The following PTPRD variants were observed in gnomAD, a reference collection of about 807,000 sequenced individuals.
The protein encoded by PTPRD is receptor-type tyrosine-protein phosphatase delta.
A neutral mutation model predicts 214.5 loss-of-function variants in PTPRD; 34 were observed. The observed-to-expected ratio is 0.16, with a 90% CI of 0.12 to 0.21. PTPRD has a LOEUF of 0.21. Among genes scored for constraint, PTPRD ranks in the 10% least tolerant of loss-of-function variants. The probability of loss-of-function intolerance (pLI) is 1.00; values close to 1 mark genes in which losing one functional copy is unlikely to be tolerated. For missense variants in PTPRD, 2,545 were observed against 2,398.7 expected, an observed-to-expected ratio of 1.06 and a Z score of -1.27; for synonymous variants, 1,128 against 845.7, an observed-to-expected ratio of 1.33 and a Z score of -5.79.
At chr9:8,898,985 A>T (rs1001120666) in intron 11 of PTPRD, among the ~76,000 whole-genome samples, 1 of 152,208 alleles carries the variant, frequency 6.6e-6, no homozygotes, top group African/African-American at 2.4e-5. Flanking sequence ...GAGTATTTTA[A>T]TAAAAGTGAC....
At chr9:9,600,981 T>C (rs1454515134) in intron 7 of PTPRD, among the ~76,000 whole-genome samples, 1 of 152,066 alleles carries the variant, frequency 6.6e-6, no homozygotes, top group Non-Finnish European at 1.5e-5. Flanking sequence ...TAATGAGACC[T>C]GGATATTTTA....
At chr9:8,706,888 C>T (rs566331496) in intron 12 of PTPRD, among the ~76,000 whole-genome samples, 13 of 152,286 alleles carry the variant, frequency 8.5e-5, no homozygotes, top group Non-Finnish European at 1.5e-4. Context: ...TTAGCATTAT[C>T]CTCCCGTGCC....
rs370277505 is a variant in PTPRD, at chr9:9,840,790, A to G, written c.-367-73939T>C. ...AAAAAAAAAAAAAAAAAAAAAAAAAAAAAAAAAAACAGAAAGGGGAAGGGA... is the reference window on the plus strand; with the variant it reads ...AAAAAAAAAAAAAAAAAAAAAAAAAGAAAAAAAAACAGAAAGGGGAAGGGA... On this transcript the variant is annotated intron_variant, in intron 5 of 45. Transcript: ENST00000381196. Among the ~76,000 whole-genome samples, 896 of 125,978 alleles carry G rather than the reference A, an allele frequency of 7.1e-3. 23 individuals are homozygous for G. Among genetic ancestry groups the G allele is most frequent in the South Asian group, 0.014 (56 of 3,970 alleles). The allele number at this position is 125,978 out of a possible 152,430, so 82.6% of individuals were successfully genotyped here.
intron 3 of PTPRD, among the ~76,000 whole-genome samples, chr9:10,309,317 C>A (rs544869299): frequency 4.3e-4 from 65 of 151,712 alleles, no homozygotes; most frequent in African/African-American, 1.5e-3. Context: ...CTTTGAAACC[C>A]AACTGATTTC....
At chr9:9,152,586 C>T (rs1033362340) in intron 10 of PTPRD, among the ~76,000 whole-genome samples, 2 of 152,144 alleles carry the variant, frequency 1.3e-5, no homozygotes, top group Non-Finnish European at 2.9e-5. Context: ...CCAACTTTAT[C>T]ATTGGGTGGT....
At chr9:9,174,353 T>A (rs2099923321) in intron 10 of PTPRD, among the ~76,000 whole-genome samples, 1 of 152,144 alleles carries the variant, frequency 6.6e-6, no homozygotes, top group South Asian at 2.1e-4. Flanking sequence ...CAATTACCCA[T>A]TTAAGAGACA....
At chr9:10,581,218 C>A (rs967976146) in intron 2 of PTPRD, among the ~76,000 whole-genome samples, 2 of 152,148 alleles carry the variant, frequency 1.3e-5, no homozygotes, top group African/African-American at 4.8e-5. Context: ...ATATTAAGCA[C>A]TGTAGAAGTA....
intron 21 of PTPRD, among the ~76,000 whole-genome samples, chr9:8,517,003 G>T (rs183158840): frequency 3.3e-5 from 5 of 151,808 alleles, no homozygotes; most frequent in African/African-American, 1.2e-4. Context: ...ATAGAGATGA[G>T]GTTTTGCCAT....
chr9:9,014,062 C>A (rs1372110301), intron 11 of PTPRD, among the ~76,000 whole-genome samples: 3 of 151,978 alleles, frequency 2.0e-5, no homozygotes, highest in African/African-American at 7.3e-5. Flanking sequence ...GTAGATAACA[C>A]CATTTTTCTA....
chr9:8,713,654 C>A, intron 12 of PTPRD: 1 of 1,517,042 alleles, frequency 6.6e-7, no homozygotes, highest in Non-Finnish European at 9.1e-7. Flanking sequence ...GACATGGGCG[C>A]CCGGCACCGC....
intron 8 of PTPRD, among the ~76,000 whole-genome samples, chr9:9,460,594 C>T (rs908074635): frequency 1.3e-5 from 2 of 151,944 alleles, no homozygotes; most frequent in South Asian, 4.1e-4. Context: ...CAATAATCAT[C>T]GAAGCGATGC....
intron 36 of PTPRD, among the ~76,000 whole-genome samples, chr9:8,396,298 C>T (rs958517601): frequency 6.6e-6 from 1 of 152,104 alleles, no homozygotes; most frequent in African/African-American, 2.4e-5. Flanking sequence ...TAATGCCCTC[C>T]TGATAAAAAG....
intron 2 of PTPRD, among the ~76,000 whole-genome samples, chr9:10,504,357 C>G (rs1177878415): frequency 6.6e-6 from 1 of 151,904 alleles, no homozygotes; most frequent in African/African-American, 2.4e-5. Context: ...TAAATCCACC[C>G]ACAGCTCCAA....
At chr9:10,356,840 C>A (rs953914900) in intron 2 of PTPRD, among the ~76,000 whole-genome samples, 2 of 151,942 alleles carry the variant, frequency 1.3e-5, no homozygotes, top group South Asian at 4.2e-4. Context: ...CCACCATGCC[C>A]GGCTAATTTT....
chr9:9,970,428 T>A (rs1212436234), intron 4 of PTPRD, among the ~76,000 whole-genome samples: 12 of 76,936 alleles, frequency 1.6e-4, no homozygotes, highest in Admixed American at 1.4e-3. Flanking sequence ...AGACTCCTTC[T>A]CAAAAAAAAA....
chr9:8,473,778 A>C (rs1488442942), intron 30 of PTPRD, among the ~76,000 whole-genome samples: 2 of 152,286 alleles, frequency 1.3e-5, no homozygotes, highest in African/African-American at 4.8e-5. Context: ...CCCCCACGGC[A>C]ATTAATTAAC....
intron 10 of PTPRD, among the ~76,000 whole-genome samples, chr9:9,056,717 C>G (rs894047059): frequency 3.3e-5 from 5 of 152,206 alleles, no homozygotes; most frequent in Admixed American, 1.3e-4. Context: ...CTAATCTTCT[C>G]TACCACCAAG....
At chr9:9,085,615 G>T (rs948345717) in intron 10 of PTPRD, among the ~76,000 whole-genome samples, 1 of 150,858 alleles carries the variant, frequency 6.6e-6, no homozygotes, top group Non-Finnish European at 1.5e-5. Flanking sequence ...GTGAGCCAAG[G>T]ACATTTTTAA....
chr9:9,597,407 A>C (rs541713327), intron 7 of PTPRD, among the ~76,000 whole-genome samples: 1 of 152,204 alleles, frequency 6.6e-6, no homozygotes, highest in East Asian at 1.9e-4. Flanking sequence ...TCCATCGAGG[A>C]ATAAAGGACC....
Sources: gnomAD v4.1 joint callset for allele counts (sites outside exome capture counted in the v4.1 genomes callset) on GRCh38, gnomAD v4.1.1 for gene constraint, MANE v1.5 for transcripts, NCBI Gene and HGNC (gene_info 2026-07-23, HGNC 2026-07-21) for gene names.